NKAIN3: variants seen among roughly 807,000 people sequenced by gnomAD.
NKAIN3 encodes the protein sodium/potassium transporting ATPase interacting 3, also known as sodium/potassium-transporting ATPase subunit beta-1-interacting protein 3.
A neutral mutation model predicts 30.2 loss-of-function variants in NKAIN3; 25 were observed. The observed-to-expected ratio is 0.83, with a 90% CI of 0.60 to 1.16. The LOEUF (loss-of-function observed/expected upper bound fraction) is 1.16, where lower values mean the gene tolerates loss of function less well. Among genes scored for constraint, NKAIN3 ranks in the 50% most tolerant of loss-of-function variants. NKAIN3 has a pLI of 0.00. For synonymous variants in NKAIN3, 91 were observed against 89.6 expected (o/e 1.02, Z -0.09); for missense variants, 225 against 254.1 (o/e 0.89, Z 0.78).
chr8:62,430,366 GGTGTGTGTGTGTGT>G (rs59837325), intron 1 of NKAIN3, among the ~76,000 whole-genome samples: 17 of 142,562 alleles, frequency 1.2e-4, no homozygotes, highest in African/African-American at 3.4e-4. Flanking sequence ...TATATATTGT[GGTGTGTGTGTGTGT>G]GTGTGTGTGT....
At chr8:62,430,634 G>T (rs756847801) in intron 1 of NKAIN3, among the ~76,000 whole-genome samples, 23 of 151,836 alleles carry the variant, frequency 1.5e-4, no homozygotes, top group Non-Finnish European at 2.5e-4. Flanking sequence ...GTCAAAATAA[G>T]AACTTTGCAT....
rs1197098803 is a variant in NKAIN3 at position 62,906,198 on chromosome 8, C to A, written c.472-12255C>A. ...TAAAAGTCCTCTGTTTCTGACCCAGCACCCATGGAACAGTAATAGACTAAT... is the reference window on the plus strand; with the variant it reads ...TAAAAGTCCTCTGTTTCTGACCCAGAACCCATGGAACAGTAATAGACTAAT... On this transcript the variant is annotated intron_variant, in intron 4 of 6. Transcript: ENST00000623646. Among the ~76,000 whole-genome samples, 10 of 152,324 alleles carry A rather than the reference C, an allele frequency of 6.6e-5. No individual in the cohort carries two copies. The South Asian group carries it at 2.1e-3, about 32-fold the overall frequency.
chr8:62,338,310 A>G (rs1200732590), intron 1 of NKAIN3, among the ~76,000 whole-genome samples: 1 of 152,046 alleles, frequency 6.6e-6, no homozygotes, highest in Admixed American at 6.6e-5. Context: ...ATACTATACC[A>G]TTAATATACA....
At chr8:62,996,729 CAA>C (rs1467022763) in intron 5 of NKAIN3, among the ~76,000 whole-genome samples, 1 of 152,136 alleles carries the variant, frequency 6.6e-6, no homozygotes, top group Admixed American at 6.5e-5. Context: ...TTGGCCAAAA[CAA>C]AGAGGCCACA....
chr8:62,581,254 A>G (rs1245643731), intron 2 of NKAIN3, among the ~76,000 whole-genome samples: 1 of 152,152 alleles, frequency 6.6e-6, no homozygotes, highest in Non-Finnish European at 1.5e-5. Flanking sequence ...AGATGCTTTC[A>G]TAACATGCAT....
At chr8:62,872,749 T>A (rs1476084913) in intron 4 of NKAIN3, among the ~76,000 whole-genome samples, 1 of 152,154 alleles carries the variant, frequency 6.6e-6, no homozygotes, top group African/African-American at 2.4e-5. Flanking sequence ...ACTCAGAATT[T>A]CATATCCAGC....
intron 3 of NKAIN3, among the ~76,000 whole-genome samples, chr8:62,704,556 A>C (rs1394637446): frequency 1.3e-5 from 2 of 152,106 alleles, no homozygotes; most frequent in East Asian, 3.9e-4. Context: ...TTGGGATAAG[A>C]ATTGCTCAAA....
chr8:62,840,047 A>G (rs905240495), intron 4 of NKAIN3, among the ~76,000 whole-genome samples: 2 of 152,120 alleles, frequency 1.3e-5, no homozygotes, highest in African/African-American at 4.8e-5. Flanking sequence ...TCATATCCAC[A>G]TACATCCCCT....
At chr8:62,249,886 G>C (rs1453540624) in intron 1 of NKAIN3, among the ~76,000 whole-genome samples, 1 of 152,192 alleles carries the variant, frequency 6.6e-6, no homozygotes, top group East Asian at 1.9e-4. Flanking sequence ...TTTCAGAGCA[G>C]AGCAAATGCT....
At chr8:62,708,321 G>C (rs1326553875) in intron 3 of NKAIN3, among the ~76,000 whole-genome samples, 3 of 152,120 alleles carry the variant, frequency 2.0e-5, no homozygotes, top group Non-Finnish European at 4.4e-5. Flanking sequence ...TGTCAGTATG[G>C]CCACTTTCAC....
chr8:62,894,692 A>G (rs1240121672), intron 4 of NKAIN3, among the ~76,000 whole-genome samples: 1 of 152,208 alleles, frequency 6.6e-6, no homozygotes, highest in Non-Finnish European at 1.5e-5. Context: ...AGCACATAAA[A>G]GAGCCCAAAT....
Position 62,974,572 on chromosome 8 carries a change from G to A in NKAIN3, c.*9165G>A, listed in dbSNP as rs1023464518. Among the ~76,000 whole-genome samples, 1 of 152,152 alleles carries A rather than the reference G, an allele frequency of 6.6e-6. No individual in the cohort carries two copies. On this transcript the variant is annotated 3_prime_UTR_variant, in exon 7 of 7. Coordinates refer to ENST00000623646, the MANE Select transcript of NKAIN3 (RefSeq NM_001304533.3). ...TAAGGAGTTTTGGGGTTGAGACAAT[G>A]GGGTTTTCTAAATGTACAACCATAT...
At chr8:62,888,010 G>A (rs1177114587) in intron 4 of NKAIN3, among the ~76,000 whole-genome samples, 2 of 152,154 alleles carry the variant, frequency 1.3e-5, no homozygotes, top group Non-Finnish European at 2.9e-5. Flanking sequence ...TGCCTTTAAC[G>A]ATGTGGTGGT....
intron 3 of NKAIN3, among the ~76,000 whole-genome samples, chr8:62,590,760 A>C (rs547181022): frequency 6.6e-6 from 1 of 151,844 alleles, no homozygotes; most frequent in African/African-American, 2.4e-5. Flanking sequence ...TCAGCCAAGC[A>C]GCAAAAATCC....
intron 1 of NKAIN3, among the ~76,000 whole-genome samples, chr8:62,372,503 C>T (rs1012022557): frequency 4.6e-5 from 7 of 151,892 alleles, no homozygotes; most frequent in Non-Finnish European, 5.9e-5. Context: ...TACCTTTAGA[C>T]ATTCATCCAT....
At chr8:62,845,779 G>C (rs1255418486) in intron 4 of NKAIN3, among the ~76,000 whole-genome samples, 1 of 151,908 alleles carries the variant, frequency 6.6e-6, no homozygotes, top group Non-Finnish European at 1.5e-5. Flanking sequence ...ATTCGGAAAA[G>C]AAAAAAATGA....
At chr8:62,785,872 A>G (rs1455383523) in intron 4 of NKAIN3, among the ~76,000 whole-genome samples, 2 of 152,178 alleles carry the variant, frequency 1.3e-5, no homozygotes, top group African/African-American at 4.8e-5. Context: ...TATTTCTCAT[A>G]AATCCAGTTG....
At chr8:62,653,902 A>G (rs1812695271) in intron 3 of NKAIN3, among the ~76,000 whole-genome samples, 1 of 152,148 alleles carries the variant, frequency 6.6e-6, no homozygotes, top group South Asian at 2.1e-4. Flanking sequence ...CTCAAAATTG[A>G]CAAGCATTTT....
In NKAIN3 at chr8:62,968,062, A is replaced by C. The variant is rs1281648732; in HGVS notation, c.*2655A>C. ...TTAAATATGAAGTTATAACTGTTTC[A>C]ATCTCCAACCTCAGCAATCCATAAA... On this transcript the variant is annotated 3_prime_UTR_variant, in exon 7 of 7. Coordinates refer to ENST00000623646, the MANE Select transcript of NKAIN3 (RefSeq NM_001304533.3). 6.6e-6 allele frequency among the ~76,000 whole-genome samples: 1 copy of C among 152,166 alleles called. No homozygotes were observed. The highest frequency in any genetic ancestry group is 6.5e-5 in the Admixed American group (1 of 15,272).
Sources: gnomAD v4.1 joint callset for allele counts (sites outside exome capture counted in the v4.1 genomes callset) on GRCh38, gnomAD v4.1.1 for gene constraint, MANE v1.5 for transcripts, NCBI Gene and HGNC (gene_info 2026-07-23, HGNC 2026-07-21) for gene names.